PDZRN4: variants seen among roughly 807,000 people sequenced by gnomAD.
PDZRN4 encodes PDZ domain-containing RING finger protein 4.
In PDZRN4, 70 loss-of-function variants were observed where a neutral mutation model predicts 99.0. The observed-to-expected ratio is 0.71, with a 90% CI of 0.58 to 0.86. PDZRN4 has a LOEUF of 0.86. Among genes scored for constraint, PDZRN4 ranks in the 40% least tolerant of loss-of-function variants. The pLI is 0.00. For missense variants in PDZRN4, 1,474 were observed against 1,331.2 expected (o/e 1.11, Z -1.67); for synonymous variants, 551 against 501.6 (o/e 1.10, Z -1.32).
intron 3 of PDZRN4, among the ~76,000 whole-genome samples, chr12:41,436,212 C>T (rs1490172938): frequency 6.6e-6 from 1 of 152,166 alleles, no homozygotes; most frequent in African/African-American, 2.4e-5. Context: ...TCATGTAGGT[C>T]TCTCAGCTTG....
At chr12:41,303,113 G>C (rs916482590) in intron 3 of PDZRN4, among the ~76,000 whole-genome samples, 1 of 152,040 alleles carries the variant, frequency 6.6e-6, no homozygotes, top group African/African-American at 2.4e-5. Context: ...CCCACTAGAA[G>C]CACATGATCT....
At chr12:41,489,498 G>A (rs922712289) in intron 3 of PDZRN4, among the ~76,000 whole-genome samples, 6 of 152,092 alleles carry the variant, frequency 3.9e-5, no homozygotes, top group African/African-American at 1.2e-4. Context: ...GTAATCATGA[G>A]GGTAATGGAG....
chr12:41,191,749 TTTA>T (rs1288326527), intron 2 of PDZRN4, among the ~76,000 whole-genome samples: 1 of 55,166 alleles, frequency 1.8e-5, no homozygotes, highest in African/African-American at 9.0e-5. Context: ...CCAGATTTTA[TTTA>T]TTTATTTATT....
intron 3 of PDZRN4, among the ~76,000 whole-genome samples, chr12:41,430,725 CAT>C (rs1282166253): frequency 6.6e-6 from 1 of 152,104 alleles, no homozygotes; most frequent in Non-Finnish European, 1.5e-5. Flanking sequence ...AGAGATTTAA[CAT>C]AACAAAAATT....
chr12:41,329,758 G>T (rs908004815), intron 3 of PDZRN4, among the ~76,000 whole-genome samples: 28 of 151,948 alleles, frequency 1.8e-4, no homozygotes, highest in African/African-American at 6.5e-4. Context: ...ATCTGACATT[G>T]TTTATACAAA....
intron 7 of PDZRN4, among the ~76,000 whole-genome samples, chr12:41,562,611 TAAAAG>T (rs911784353): frequency 5.3e-5 from 8 of 152,020 alleles, no homozygotes; most frequent in African/African-American, 1.9e-4. Context: ...GAGTAATCAA[TAAAAG>T]AAAATAATTA....
chr12:41,323,895 T>G (rs574143297), intron 3 of PDZRN4, among the ~76,000 whole-genome samples: 13 of 152,132 alleles, frequency 8.5e-5, no homozygotes, highest in African/African-American at 3.1e-4. Flanking sequence ...ATTATTAAAC[T>G]CAAACAGAAA....
chr12:41,283,411 C>G (rs759069802), intron 3 of PDZRN4, among the ~76,000 whole-genome samples: 4 of 152,182 alleles, frequency 2.6e-5, no homozygotes, highest in Non-Finnish European at 4.4e-5. Context: ...GACAGATTCA[C>G]AGCCGAATTC....
intron 8 of PDZRN4, among the ~76,000 whole-genome samples, chr12:41,565,389 TACCA>T (rs1333882939): frequency 1.3e-5 from 2 of 150,938 alleles, no homozygotes; most frequent in African/African-American, 4.9e-5. Context: ...TACATTTTAA[TACCA>T]TACTTTTAAA....
At chr12:41,234,850 AT>A (rs1951054997) in intron 3 of PDZRN4, among the ~76,000 whole-genome samples, 2 of 152,084 alleles carry the variant, frequency 1.3e-5, no homozygotes, top group Non-Finnish European at 1.5e-5. Context: ...GCCTTCAAAG[AT>A]GAAATGTCAA....
At chr12:41,222,429 G>T (rs1443486652) in intron 3 of PDZRN4, among the ~76,000 whole-genome samples, 1 of 152,118 alleles carries the variant, frequency 6.6e-6, no homozygotes. Context: ...ACACAGAAAT[G>T]AGAAAACTCA....
rs149037671 is a variant in PDZRN4 at position 41,513,148 on chromosome 12, T to A, written c.1203+3235T>A. Among the ~76,000 whole-genome samples, 601 of 152,206 alleles carry A rather than the reference T, an allele frequency of 3.9e-3. 8 individuals are homozygous for A. The highest frequency in any genetic ancestry group is 0.014 in the African/African-American group (577 of 41,562). ...GACCAAAACAGATCTGACTATCTTG[T>A]AAATACATATTTAGGGACTTTTAAC... is the stretch of plus-strand genomic sequence containing the variant. On this transcript the variant is annotated intron_variant, in intron 5 of 9. Coordinates refer to ENST00000402685, the MANE Select transcript of PDZRN4 (RefSeq NM_001164595.2).
intron 3 of PDZRN4, among the ~76,000 whole-genome samples, chr12:41,224,100 A>G (rs75837289): frequency 0.013 from 2,016 of 152,284 alleles, 45 homozygotes; most frequent in African/African-American, 0.046. Flanking sequence ...AAGCTTTGCA[A>G]TTGCCTATGG....
chr12:41,321,488 T>A (rs1406193850), intron 3 of PDZRN4, among the ~76,000 whole-genome samples: 2 of 152,230 alleles, frequency 1.3e-5, no homozygotes, highest in Non-Finnish European at 2.9e-5. Flanking sequence ...TGTTTCTATA[T>A]GCAGATTTTG....
chr12:41,246,506 C>A (rs7314512), intron 3 of PDZRN4, among the ~76,000 whole-genome samples: 1 of 151,698 alleles, frequency 6.6e-6, no homozygotes, highest in Non-Finnish European at 1.5e-5. Flanking sequence ...AAAACGTTTG[C>A]AGTTTGTTGC....
Position 41,347,185 on chromosome 12 carries a change from C to T in PDZRN4, c.843+152997C>T, listed in dbSNP as rs140386940. Among the ~76,000 whole-genome samples, 80 of 152,168 alleles carry T rather than the reference C, an allele frequency of 5.3e-4. No individual in the cohort carries two copies. In the East Asian group the frequency reaches 0.014, roughly 27 times the overall value. ...TACCTAGGAGAGGAATTGCTGGGTC[C>T]TGAGGTTAAACTCTATGTTTAACCC... On this transcript the variant is annotated intron_variant, in intron 3 of 9. Coordinates refer to ENST00000402685, the MANE Select transcript of PDZRN4 (RefSeq NM_001164595.2).
chr12:41,277,595 A>T (rs1951357437), intron 3 of PDZRN4, among the ~76,000 whole-genome samples: 2 of 152,144 alleles, frequency 1.3e-5, no homozygotes. Flanking sequence ...AGGTGGGTGG[A>T]TGATTGACTC....
intron 3 of PDZRN4, among the ~76,000 whole-genome samples, chr12:41,320,785 T>C (rs575511926): frequency 3.3e-5 from 5 of 152,300 alleles, no homozygotes; most frequent in African/African-American, 1.2e-4. Flanking sequence ...AATCTGTGAA[T>C]TAAAATTCAG....
chr12:41,199,333 G>T (rs1679509723), intron 3 of PDZRN4, among the ~76,000 whole-genome samples: 1 of 152,066 alleles, frequency 6.6e-6, no homozygotes, highest in African/African-American at 2.4e-5. Context: ...TCAGAAAATG[G>T]TTATTAATAA....
Sources: allele counts gnomAD v4.1 joint callset (sites outside exome capture counted in the v4.1 genomes callset), GRCh38; gene constraint gnomAD v4.1.1; transcripts MANE v1.5; gene names NCBI Gene and HGNC (gene_info 2026-07-23, HGNC 2026-07-21).